CSGALNACT1: variants seen among roughly 807,000 people sequenced by gnomAD.
CSGALNACT1 encodes beta4GalNAcT-1.
A neutral mutation model predicts 51.0 loss-of-function variants in CSGALNACT1; 52 were observed. That is an observed-to-expected ratio of 1.02 (90% CI 0.82 to 1.29). The LOEUF (loss-of-function observed/expected upper bound fraction) is 1.29. Ranked by LOEUF, CSGALNACT1 falls within the 50% of genes most tolerant of loss-of-function variation. CSGALNACT1 has a pLI of 0.00. For synonymous variants in CSGALNACT1, 341 were observed against 254.4 expected (o/e 1.34, Z -3.24); for missense variants, 935 against 679.2 (o/e 1.38, Z -4.19).
intron 4 of CSGALNACT1, among the ~76,000 whole-genome samples, chr8:19,465,336 G>A (rs1275456343): frequency 6.6e-6 from 1 of 152,092 alleles, no homozygotes; most frequent in Admixed American, 6.5e-5. Flanking sequence ...GTTGCCAGGG[G>A]CTGGGGAAGC....
rs930304423 is a variant in CSGALNACT1 at position 19,611,503 on chromosome 8, T to C, written c.-543-9638A>G. Reference sequence around the variant, plus strand: ...CACCTAAGAAGCTAAGAGACGTATATAATCTTCACTCTCTATGTTACAGAT... The same window carrying C: ...CACCTAAGAAGCTAAGAGACGTATACAATCTTCACTCTCTATGTTACAGAT... On this transcript the variant is annotated intron_variant, in intron 1 of 9. Transcript: ENST00000332246. Among the ~76,000 whole-genome samples the C allele has an allele frequency of 2.0e-5, 3 of 152,214 alleles. No individual in the cohort carries two copies. In the East Asian group the frequency reaches 5.8e-4, roughly 29 times the overall value.
At chr8:19,485,859 C>CAGA (rs1420296511) in intron 4 of CSGALNACT1, among the ~76,000 whole-genome samples, 1 of 143,770 alleles carries the variant, frequency 7.0e-6, no homozygotes, top group African/African-American at 2.6e-5. Context: ...CTCTGCCTAC[C>CAGA]AGGTTCAAGC....
intron 1 of CSGALNACT1, among the ~76,000 whole-genome samples, chr8:19,742,119 T>C (rs532072654): frequency 6.6e-6 from 1 of 152,296 alleles, no homozygotes; most frequent in South Asian, 2.1e-4. Flanking sequence ...ATAATGCCCA[T>C]TTTACAGACA....
chr8:19,749,743 C>T (rs2064912667), intron 1 of CSGALNACT1, among the ~76,000 whole-genome samples: 1 of 152,220 alleles, frequency 6.6e-6, no homozygotes, highest in African/African-American at 2.4e-5. Context: ...ATCCCCAGCT[C>T]AGAGGGGGTC....
At chr8:19,488,790 T>C (rs1369780563) in intron 4 of CSGALNACT1, among the ~76,000 whole-genome samples, 1 of 151,930 alleles carries the variant, frequency 6.6e-6, no homozygotes, top group African/African-American at 2.4e-5. Flanking sequence ...CACAGAGAAA[T>C]AAACTCAGGA....
chr8:19,511,166 G>C (rs147759116), intron 3 of CSGALNACT1, among the ~76,000 whole-genome samples: 1 of 152,230 alleles, frequency 6.6e-6, no homozygotes, highest in Non-Finnish European at 1.5e-5. Flanking sequence ...TACAATGACA[G>C]GCCTTGTAAG....
At chr8:19,404,737 C>T (rs1383071046) in exon 10 of CSGALNACT1, 4 of 454,324 alleles carry the variant, frequency 8.8e-6, no homozygotes, top group East Asian at 6.9e-5. Flanking sequence ...GGTAAGAAAG[C>T]GGTCCCTACT....
intron 1 of CSGALNACT1, among the ~76,000 whole-genome samples, chr8:19,714,992 G>A (rs746739620): frequency 3.3e-5 from 5 of 152,066 alleles, no homozygotes; most frequent in Admixed American, 6.6e-5. Flanking sequence ...GTATTAGTCC[G>A]TTTTTATGCT....
At chr8:19,475,687 T>C (rs539983605) in intron 4 of CSGALNACT1, among the ~76,000 whole-genome samples, 2 of 152,320 alleles carry the variant, frequency 1.3e-5, no homozygotes, top group South Asian at 2.1e-4. Flanking sequence ...ATACTGAAGA[T>C]GAGGTTTGTC....
Position 19,601,751 on chromosome 8 carries a change from G to A in CSGALNACT1, c.-416+20C>T, listed in dbSNP as rs1390345406. Reference sequence around the variant, plus strand: ...CAGACCATGCAAAGGTTTGTTTCTTGAGTGAAAATGCTCACTTACCTGGGG... The same window carrying A: ...CAGACCATGCAAAGGTTTGTTTCTTAAGTGAAAATGCTCACTTACCTGGGG... On this transcript the variant is annotated intron_variant, in intron 2 of 9. Transcript: ENST00000454498. 2.2e-6 allele frequency: 1 copy of A among 448,724 alleles called. No individual in the cohort carries two copies. Among genetic ancestry groups the A allele is most frequent in the Admixed American group, 2.4e-5 (1 of 41,542 alleles). The allele number at this position is 448,724 out of a possible 1,614,324, so 27.8% of individuals were successfully genotyped here.
chr8:19,497,805 C>T (rs896523422), intron 4 of CSGALNACT1, among the ~76,000 whole-genome samples: 25 of 152,190 alleles, frequency 1.6e-4, no homozygotes, highest in Non-Finnish European at 2.5e-4. Context: ...AGTCACCCCT[C>T]TGCTCCCTGA....
At chr8:19,653,818 G>C (rs917289476) in intron 1 of CSGALNACT1, among the ~76,000 whole-genome samples, 2 of 151,436 alleles carry the variant, frequency 1.3e-5, no homozygotes, top group Admixed American at 6.6e-5. Flanking sequence ...AAAATCTTCA[G>C]CTGTACATTT....
chr8:19,705,683 G>A (rs2062120610), intron 1 of CSGALNACT1, among the ~76,000 whole-genome samples: 1 of 152,114 alleles, frequency 6.6e-6, no homozygotes, highest in Non-Finnish European at 1.5e-5. Flanking sequence ...GCTGCAGTGA[G>A]CTGAGATCGC....
intron 3 of CSGALNACT1, among the ~76,000 whole-genome samples, chr8:19,533,221 A>T (rs564885886): frequency 7.2e-5 from 11 of 152,094 alleles, no homozygotes; most frequent in African/African-American, 1.4e-4. Context: ...GGATCAAGCG[A>T]TCCTCTCACT....
At chr8:19,603,945 C>A (rs1270133345), upstream of CSGALNACT1, among the ~76,000 whole-genome samples, 1 of 152,238 alleles carries the variant, frequency 6.6e-6, no homozygotes, top group Non-Finnish European at 1.5e-5. Flanking sequence ...CATCTACACA[C>A]AGTAACATAC....
chr8:19,625,422 G>A lies in CSGALNACT1; in HGVS notation c.-543-23557C>T, dbSNP rs10089803. On this transcript the variant is annotated intron_variant, in intron 1 of 9. Coordinates refer to the CSGALNACT1 transcript ENST00000332246. The stretch of plus-strand genomic sequence containing the variant: ...ACTGAAGCATAGAGCTATTATATAA[G>A]TAAATTAAAAAGTCAGGAGTTGACT... 7.8e-3 allele frequency among the ~76,000 whole-genome samples: 1,181 copies of A among 152,246 alleles called. 20 individuals are homozygous for A. Among genetic ancestry groups the A allele is most frequent in the African/African-American group, 0.027 (1,122 of 41,548 alleles).
chr8:19,429,312 G>A (rs1450509077), intron 6 of CSGALNACT1, among the ~76,000 whole-genome samples: 1 of 152,168 alleles, frequency 6.6e-6, no homozygotes, highest in Admixed American at 6.5e-5. Context: ...CAGTACCTGG[G>A]ATTACAGGTG....
chr8:19,739,751 T>C (rs1439344276), intron 1 of CSGALNACT1, among the ~76,000 whole-genome samples: 5 of 152,216 alleles, frequency 3.3e-5, no homozygotes, highest in Admixed American at 3.3e-4. Flanking sequence ...ATTCCTAGGA[T>C]GTGGGAGCAG....
chr8:19,685,202 C>T (rs932053941), upstream of CSGALNACT1, among the ~76,000 whole-genome samples: 5 of 152,308 alleles, frequency 3.3e-5, no homozygotes, highest in African/African-American at 1.2e-4. Context: ...AGTGCTTATT[C>T]CCAGTTGGCA....
Sources: gnomAD v4.1 joint callset for allele counts (sites outside exome capture counted in the v4.1 genomes callset) on GRCh38, gnomAD v4.1.1 for gene constraint, MANE v1.5 for transcripts, NCBI Gene and HGNC (gene_info 2026-07-23, HGNC 2026-07-21) for gene names.